Variants in SORCS2 observed in about 807,000 individuals in gnomAD.
SORCS2 encodes the protein VPS10 domain-containing receptor SorCS2.
SORCS2 carries 100 observed loss-of-function variants against 141.6 expected under a neutral mutation model. The ratio of observed to expected loss-of-function variants is 0.71; its 90% CI spans 0.60 to 0.83. SORCS2 has a LOEUF of 0.83. Among genes scored for constraint, SORCS2 ranks in the 40% least tolerant of loss-of-function variants. The probability of loss-of-function intolerance (pLI) is 0.00; values close to 1 mark genes in which losing one functional copy is unlikely to be tolerated. For synonymous variants in SORCS2, 789 were observed against 676.9 expected (o/e 1.17, Z -2.57); for missense variants, 1,646 against 1,560.2 (o/e 1.05, Z -0.93).
In SORCS2 at chr4:7,343,484, C is replaced by G. The variant is rs749508023; in HGVS notation, c.481-52804C>G. Among the ~76,000 whole-genome samples the G allele has an allele frequency of 1.3e-3, 197 of 152,338 alleles. 1 individual carries two copies. Among genetic ancestry groups the G allele is most frequent in the Non-Finnish European group, 2.4e-3 (165 of 68,026 alleles). On this transcript the variant is annotated intron_variant, in intron 1 of 26. Coordinates refer to ENST00000507866, the MANE Select transcript of SORCS2 (RefSeq NM_020777.3). ...GTGACGTGCACAGCCCCGGGTTCAG[C>G]ACGGGAAGGGCTTTGATGAGTGGAT...
At chr4:7,246,819 G>A (rs2108799456) in intron 1 of SORCS2, among the ~76,000 whole-genome samples, 1 of 152,328 alleles carries the variant, frequency 6.6e-6, no homozygotes, top group South Asian at 2.1e-4. Flanking sequence ...GCCATGATGA[G>A]GGCCTGGAAC....
At chr4:7,270,828 C>G (rs558963195) in intron 1 of SORCS2, among the ~76,000 whole-genome samples, 2 of 152,378 alleles carry the variant, frequency 1.3e-5, no homozygotes, top group South Asian at 4.1e-4. Flanking sequence ...GTTAGAACCA[C>G]ACACCCCACT....
intron 7 of SORCS2, among the ~76,000 whole-genome samples, chr4:7,665,504 C>T (rs1224732431): frequency 2.0e-5 from 3 of 152,212 alleles, no homozygotes; most frequent in Non-Finnish European, 4.4e-5. Context: ...CCTGCTCCTT[C>T]TCAAAGACTC....
At chr4:7,573,082 G>C (rs6446610) in intron 3 of SORCS2, among the ~76,000 whole-genome samples, 140,709 of 152,266 alleles carry the variant, frequency 0.92, 65,172 homozygotes, top group Non-Finnish European at 0.95. Flanking sequence ...AAAATGTAAG[G>C]TGAGTGGCAG....
chr4:7,374,457 T>A (rs540287981), intron 1 of SORCS2, among the ~76,000 whole-genome samples: 14 of 152,210 alleles, frequency 9.2e-5, no homozygotes, highest in African/African-American at 3.1e-4. Context: ...GAAAATCGGG[T>A]GCCACGCTGG....
intron 3 of SORCS2, among the ~76,000 whole-genome samples, chr4:7,540,344 C>A (rs1313633765): frequency 6.6e-6 from 1 of 152,038 alleles, no homozygotes; most frequent in Non-Finnish European, 1.5e-5. Flanking sequence ...CTGAGATTAG[C>A]CCGGGTCCCG....
intron 1 of SORCS2, among the ~76,000 whole-genome samples, chr4:7,199,573 G>A (rs1193305279): frequency 6.6e-6 from 1 of 152,058 alleles, no homozygotes; most frequent in Non-Finnish European, 1.5e-5. Flanking sequence ...TCCGAGGGAG[G>A]CTGTTGCTGT....
At chr4:7,376,059 A>G (rs973329482) in intron 1 of SORCS2, among the ~76,000 whole-genome samples, 1 of 152,216 alleles carries the variant, frequency 6.6e-6, no homozygotes, top group Non-Finnish European at 1.5e-5. Flanking sequence ...TGAGAATCCA[A>G]TGCAGGCAGG....
At chr4:7,630,743 G>T (rs866071451) in intron 3 of SORCS2, among the ~76,000 whole-genome samples, 10 of 152,208 alleles carry the variant, frequency 6.6e-5, no homozygotes, top group African/African-American at 2.4e-4. Flanking sequence ...CAGATCCGGG[G>T]GTGGAGGCTG....
chr4:7,531,972 C>T (rs948860688), intron 3 of SORCS2, among the ~76,000 whole-genome samples: 1 of 152,350 alleles, frequency 6.6e-6, no homozygotes, highest in Admixed American at 6.5e-5. Context: ...GGGCTGGGAG[C>T]CCTCGGAAGG....
chr4:7,320,907 CCTT>C lies in SORCS2; in HGVS notation c.481-75377_481-75375del, dbSNP rs1195153274. Among the ~76,000 whole-genome samples, 15 of 138,248 alleles carry C rather than the reference CCTT, an allele frequency of 1.1e-4. No homozygotes were observed. The South Asian group carries it at 2.4e-3, about 22-fold the overall frequency. 90.7% of individuals were successfully genotyped at this position (138,248 alleles called of 152,430 possible). On this transcript the variant is annotated intron_variant, in intron 1 of 26. Transcript: ENST00000507866. ...TTCCCCTCCCCTCCCTCCCTCCCTT[CCTT>C]CTTTCCTCTTTCTCCTTTCTTTTTC...
chr4:7,704,035 CAT>C, intron 13 of SORCS2, 140 bp from the exon 14 acceptor site: 1 of 698,060 alleles, frequency 1.4e-6, no homozygotes, highest in South Asian at 1.6e-5. Flanking sequence ...GCAGATGTGA[CAT>C]AAGCAGATGT....
At chr4:7,590,400 G>T (rs189273933) in intron 3 of SORCS2, among the ~76,000 whole-genome samples, 5 of 152,330 alleles carry the variant, frequency 3.3e-5, no homozygotes, top group African/African-American at 4.8e-5. Context: ...GGCTTGTGAA[G>T]ACTGTGAAGG....
At chr4:7,687,987 A>G (rs543818705) in intron 10 of SORCS2, among the ~76,000 whole-genome samples, 1 of 152,342 alleles carries the variant, frequency 6.6e-6, no homozygotes, top group Admixed American at 6.5e-5. Flanking sequence ...TAATACAACC[A>G]GTACATCTGT....
intron 10 of SORCS2, among the ~76,000 whole-genome samples, chr4:7,689,114 G>T (rs1302377885): frequency 3.9e-5 from 6 of 152,036 alleles, no homozygotes; most frequent in African/African-American, 7.3e-5. Context: ...GCTCTTGACC[G>T]ATGCCCAAGA....
intron 3 of SORCS2, among the ~76,000 whole-genome samples, chr4:7,627,093 C>A (rs113648121): frequency 0.012 from 1,797 of 152,288 alleles, 13 homozygotes; most frequent in Middle Eastern, 0.017. Context: ...TCAAGAGATC[C>A]TCCTGCCTCA....
At chr4:7,311,558 C>T (rs939865868) in intron 1 of SORCS2, among the ~76,000 whole-genome samples, 6 of 152,206 alleles carry the variant, frequency 3.9e-5, no homozygotes, top group African/African-American at 1.4e-4. Context: ...CTCGTGAAGA[C>T]TTTAGAGTCG....
chr4:7,511,940 A>G (rs1732680557), intron 2 of SORCS2, among the ~76,000 whole-genome samples: 1 of 152,168 alleles, frequency 6.6e-6, no homozygotes, highest in Non-Finnish European at 1.5e-5. Context: ...CTCCCTTTGC[A>G]GGTCCTGGAG....
At chr4:7,445,245 G>A (rs1383466162) in intron 2 of SORCS2, among the ~76,000 whole-genome samples, 1 of 152,224 alleles carries the variant, frequency 6.6e-6, no homozygotes, top group East Asian at 1.9e-4. Flanking sequence ...GGACTTGGCA[G>A]TAAGGGCCAG....
Sources: gnomAD v4.1 joint callset for allele counts (sites outside exome capture counted in the v4.1 genomes callset) on GRCh38, gnomAD v4.1.1 for gene constraint, MANE v1.5 for transcripts, NCBI Gene and HGNC (gene_info 2026-07-23, HGNC 2026-07-21) for gene names.